SNRNP25: variants seen among roughly 807,000 people sequenced by gnomAD.
SNRNP25 encodes the protein U11/U12 small nuclear ribonucleoprotein 25 kDa protein.
Under a neutral mutation model 23.9 loss-of-function variants are expected in SNRNP25, and 21 were observed. The observed-to-expected ratio is 0.88, with a 90% CI of 0.62 to 1.27. The LOEUF is 1.27. SNRNP25 is among the 50% of genes most tolerant of loss of function. The pLI, the probability that SNRNP25 is intolerant of heterozygous loss-of-function variation, is 0.00. For synonymous variants in SNRNP25, 63 were observed against 60.4 expected, an observed-to-expected ratio of 1.04 and a Z score of -0.20; for missense variants, 160 against 156.9, an observed-to-expected ratio of 1.02 and a Z score of -0.11.
intron 2 of SNRNP25, 73 bp downstream of exon 2, chr16:55,622 C>A: frequency 1.3e-6 from 2 of 1,578,206 alleles, no homozygotes; most frequent in South Asian, 2.2e-5. Flanking sequence ...CAGTGCTGGT[C>A]AGCCTGCTCA....
intron 3 of SNRNP25, chr16:56,323 A>C: frequency 2.8e-6 from 2 of 713,478 alleles, no homozygotes; most frequent in Non-Finnish European, 5.2e-6. Context: ...TGCATTAGCA[A>C]GGTTTGTTTG....
In SNRNP25 at chr16:55,820, G is replaced by A. The variant is rs777910237; in HGVS notation, c.177G>A (p.Lys59=). 2.5e-5 allele frequency: 40 copies of A among 1,614,090 alleles called. No homozygotes were observed. In the South Asian group the frequency reaches 4.0e-4, roughly 16 times the overall value. Residue 59 remains lysine (K), a synonymous_variant, in exon 3 of 5, where the codon AAG becomes AAA. Transcript: ENST00000293861. ...GTGCCACAGTCCTGGACCTGAAGAA[G>A]GCCATCCAGAGATACGTGCAGCTCA... ...VQSATVLDLK[K]AIQRYVQLKQ...
In SNRNP25 at chr16:54,712, TTTTA is replaced by T. The variant is rs568220134; in HGVS notation, c.42+674_42+677del. Among the ~76,000 whole-genome samples the T allele has an allele frequency of 1.3e-3, 198 of 152,178 alleles. 3 individuals carry two copies. Among genetic ancestry groups the T allele is most frequent in the Middle Eastern group, 3.4e-3 (1 of 294 alleles). ...ATCATGCTTTGGGACGATACTGTCTTTTTATTTATTTATTTATTTATTTGAGACT... is the reference window on the plus strand; with the variant it reads ...ATCATGCTTTGGGACGATACTGTCTTTTTATTTATTTATTTATTTGAGACT... On this transcript the variant is annotated intron_variant, in intron 1 of 4. Transcript: ENST00000293861.
At chr16:55,912 G>A (rs760261668) in intron 3 of SNRNP25, 30 bp downstream of exon 3, 1 of 1,595,994 alleles carries the variant, frequency 6.3e-7, no homozygotes, top group South Asian at 1.1e-5. Context: ...CTTCATTATA[G>A]CCCTTCGTGG....
At chr16:56,088 A>G in intron 3 of SNRNP25, 1 of 623,138 alleles carries the variant, frequency 1.6e-6, no homozygotes. Flanking sequence ...TGCCTCGGCC[A>G]TCCCCAACAT....
chr16:54,786 G>C (rs534820696), intron 1 of SNRNP25, among the ~76,000 whole-genome samples: 4 of 151,830 alleles, frequency 2.6e-5, no homozygotes, highest in African/African-American at 9.7e-5. Flanking sequence ...GTGCCATCTC[G>C]ACTCACTGCA....
intron 3 of SNRNP25, 178 bp from the exon 4 acceptor site, chr16:56,361 G>A (rs951317976): frequency 2.7e-6 from 2 of 732,296 alleles, no homozygotes; most frequent in Admixed American, 2.0e-5. Context: ...AGCCCTCTGA[G>A]AACAGAGCCT....
chr16:56,448 A>T, intron 3 of SNRNP25, 91 bp from the exon 4 acceptor site: 1 of 1,217,138 alleles, frequency 8.2e-7, no homozygotes, highest in Non-Finnish European at 1.2e-6. Context: ...CCCAGGTCCC[A>T]TAGGACTGCA....
intron 1 of SNRNP25, among the ~76,000 whole-genome samples, chr16:54,499 C>G (rs1486937367): frequency 6.6e-6 from 1 of 152,258 alleles, no homozygotes; most frequent in African/African-American, 2.4e-5. Flanking sequence ...ATCCTCCTGC[C>G]TCGGCCTCCC....
chr16:56,377 T>C, intron 3 of SNRNP25, 162 bp from the exon 4 acceptor site: 1 of 752,080 alleles, frequency 1.3e-6, no homozygotes, highest in Non-Finnish European at 2.4e-6. Flanking sequence ...AGCCTCCTTG[T>C]AGCTGCCTCA....
intron 3 of SNRNP25, chr16:56,327 T>C (rs1897406865): frequency 1.4e-6 from 1 of 714,072 alleles, no homozygotes; most frequent in South Asian, 1.5e-5. Context: ...TTAGCAAGGT[T>C]TGTTTGGCCA....
chr16:56,080 C>T (rs772362158), intron 3 of SNRNP25, 198 bp downstream of exon 3: 4 of 626,554 alleles, frequency 6.4e-6, no homozygotes, highest in Non-Finnish European at 8.6e-6. Context: ...GGGACTCCTG[C>T]CTCGGCCATC....
At chr16:56,764 C>A in intron 4 of SNRNP25, 151 bp downstream of exon 4, 3 of 833,676 alleles carry the variant, frequency 3.6e-6, no homozygotes, top group Non-Finnish European at 5.7e-6. Context: ...AGGAGAATGG[C>A]AGGCAGAGGG....
In SNRNP25 at chr16:56,596, C is replaced by G. The variant is rs80023530; in HGVS notation, c.297C>G (p.Asp99Glu). Reference sequence around the variant, plus strand: ...CTGCAGGAGAGAAACTCACGGAAGACAGAAAGAAGCTCCGAGAGTAAGTGC... The same window carrying G: ...CTGCAGGAGAGAAACTCACGGAAGAGAGAAAGAAGCTCCGAGAGTAAGTGC... ...LTSAGEKLTE[D>E]RKKLRDYGIR... Residue 99 changes from aspartate to glutamate, a missense_variant, in exon 4 of 5, where the codon GAC becomes GAG. Transcript: ENST00000293861. 9.4e-5 allele frequency: 152 copies of G among 1,613,904 alleles called. No homozygotes were observed. The highest frequency in any genetic ancestry group is 3.3e-4 in the Middle Eastern group (2 of 6,082).
chr16:53,960 G>T lies in SNRNP25; in HGVS notation c.-57G>T. Reference sequence around the variant, plus strand: ...CGAGGCGCAAGAGGAAGATGAGGACGAAGAAGAGGCGCTGCCGCACTCCGA... The same window carrying T: ...CGAGGCGCAAGAGGAAGATGAGGACTAAGAAGAGGCGCTGCCGCACTCCGA... On this transcript the variant is annotated 5_prime_UTR_variant, in exon 1 of 5. Transcript: ENST00000293861. 1 of 1,598,276 alleles carries T rather than the reference G, an allele frequency of 6.3e-7. No homozygotes were observed. The highest frequency in any genetic ancestry group is 1.1e-5 in the South Asian group (1 of 88,352).
intron 4 of SNRNP25, 127 bp downstream of exon 4, chr16:56,740 GGGCCCTCCCCACT>G: frequency 9.9e-7 from 1 of 1,013,076 alleles, no homozygotes; most frequent in Non-Finnish European, 1.5e-6. Flanking sequence ...AGCTTCCTTG[GGGCCCTCCCCACT>G]AGGAGAATGG....
chr16:56,462 C>A, intron 3 of SNRNP25, 77 bp from the exon 4 acceptor site: 1 of 1,436,168 alleles, frequency 7.0e-7, no homozygotes, highest in African/African-American at 1.4e-5. Flanking sequence ...GACTGCATGC[C>A]TCAAGCCCAC....
intron 1 of SNRNP25, 23 bp from the exon 2 acceptor site, chr16:55,436 C>G (rs1323895957): frequency 6.2e-7 from 1 of 1,610,130 alleles, no homozygotes; most frequent in South Asian, 1.1e-5. Context: ...AGGGTTCCCA[C>G]TTCTGCCCTT....
intron 2 of SNRNP25, 90 bp downstream of exon 2, chr16:55,639 C>A (rs528625784): frequency 5.1e-6 from 8 of 1,558,014 alleles, no homozygotes; most frequent in Middle Eastern, 1.8e-4. Flanking sequence ...CTCAGAAACT[C>A]ACAGGCCATG....
Sources: allele counts gnomAD v4.1 joint callset (sites outside exome capture counted in the v4.1 genomes callset), GRCh38; gene constraint gnomAD v4.1.1; transcripts MANE v1.5; gene names NCBI Gene and HGNC (gene_info 2026-07-23, HGNC 2026-07-21).